The following TFEC variants were observed in gnomAD, a reference collection of about 807,000 sequenced individuals.
TFEC encodes the protein transcription factor EC.
TFEC carries 31 observed loss-of-function variants against 41.6 expected under a neutral mutation model. The observed-to-expected ratio is 0.74, with a 90% CI of 0.56 to 1.01. TFEC has a LOEUF of 1.01. Among genes scored for constraint, TFEC ranks in the 50% least tolerant of loss-of-function variants. The pLI, the probability that TFEC is intolerant of heterozygous loss-of-function variation, is 0.00. For synonymous variants in TFEC, 143 were observed against 140.6 expected (o/e 1.02, Z -0.12); for missense variants, 402 against 404.1 (o/e 0.99, Z 0.04).
intron 1 of TFEC, among the ~76,000 whole-genome samples, chr7:116,133,666 G>C (rs1421375385): frequency 6.8e-6 from 1 of 146,654 alleles, no homozygotes; most frequent in Non-Finnish European, 1.5e-5. Context: ...CAAAAATGTA[G>C]CTTTTTTTTC....
At chr7:116,093,290 C>A (rs1356469848) in intron 3 of TFEC, among the ~76,000 whole-genome samples, 6 of 152,018 alleles carry the variant, frequency 3.9e-5, no homozygotes, top group African/African-American at 7.2e-5. Flanking sequence ...AGGTACAATT[C>A]TTAGATGAGC....
intron 1 of TFEC, among the ~76,000 whole-genome samples, chr7:116,120,768 G>A (rs1343989671): frequency 6.6e-6 from 1 of 151,840 alleles, no homozygotes. Context: ...AATAGGGAGA[G>A]GTATAGTTCA....
At chr7:115,977,105 C>T (rs1030957579) in intron 2 of TFEC, among the ~76,000 whole-genome samples, 6 of 152,196 alleles carry the variant, frequency 3.9e-5, no homozygotes, top group South Asian at 2.1e-4. Flanking sequence ...CTAAAACCTT[C>T]ACAACTTCTA....
intron 1 of TFEC, among the ~76,000 whole-genome samples, chr7:116,027,037 G>C (rs559269471): frequency 6.6e-6 from 1 of 152,270 alleles, no homozygotes; most frequent in Admixed American, 6.5e-5. Context: ...ACTTTCTATT[G>C]CAGACCTCAG....
At chr7:116,006,611 C>T (rs1293107017) in intron 1 of TFEC, among the ~76,000 whole-genome samples, 1 of 152,086 alleles carries the variant, frequency 6.6e-6, no homozygotes, top group Non-Finnish European at 1.5e-5. Context: ...AGGGACTTGG[C>T]TTGTTTCAGA....
At chr7:116,032,523 C>T (rs1795810522), upstream of TFEC, among the ~76,000 whole-genome samples, 2 of 152,084 alleles carry the variant, frequency 1.3e-5, no homozygotes, top group South Asian at 4.1e-4. Context: ...GAGATCATGT[C>T]CTTTGCAGGA....
intron 1 of TFEC, among the ~76,000 whole-genome samples, chr7:115,998,858 AG>A (rs1794473749): frequency 6.6e-6 from 1 of 151,884 alleles, no homozygotes; most frequent in Non-Finnish European, 1.5e-5. Context: ...CTAAAGAGAG[AG>A]AGAGCAACCC....
At chr7:116,043,877 T>C (rs759518931) in intron 3 of TFEC, among the ~76,000 whole-genome samples, 4 of 152,144 alleles carry the variant, frequency 2.6e-5, no homozygotes, top group Non-Finnish European at 5.9e-5. Context: ...CTTCAATTAG[T>C]GAGGTAGATT....
intron 1 of TFEC, among the ~76,000 whole-genome samples, chr7:116,006,610 G>T (rs1794800641): frequency 1.3e-5 from 2 of 152,122 alleles, no homozygotes; most frequent in Admixed American, 1.3e-4. Flanking sequence ...AAGGGACTTG[G>T]CTTGTTTCAG....
intron 1 of TFEC, among the ~76,000 whole-genome samples, chr7:116,156,192 G>T (rs948388007): frequency 2.0e-5 from 3 of 152,134 alleles, no homozygotes; most frequent in African/African-American, 7.2e-5. Context: ...CCAGCCATTG[G>T]AAAGACAGAA....
In TFEC at chr7:115,937,377, T is replaced by C. The variant is rs1793282682; in HGVS notation, c.*3174A>G. 1 of 151,790 alleles carries C rather than the reference T, an allele frequency of 6.6e-6. No homozygotes were observed. The highest frequency in any genetic ancestry group is 2.1e-4 in the South Asian group (1 of 4,828). 9.4% of individuals were successfully genotyped at this position (151,790 alleles called of 1,614,324 possible). A position where few individuals can be genotyped will look rare whatever the true frequency, so the allele number is the denominator to read the frequency against. On this transcript the variant is annotated 3_prime_UTR_variant, in exon 8 of 8. Transcript: ENST00000265440. The stretch of plus-strand genomic sequence containing the variant: ...GCCTCTTTTACTATTATGAAAAATC[T>C]CATTTCTGCAAGAAATATTCTAGAG...
chr7:115,951,898 CTA>C (rs1791963819), intron 5 of TFEC, among the ~76,000 whole-genome samples: 3 of 152,024 alleles, frequency 2.0e-5, no homozygotes, highest in African/African-American at 7.2e-5. Flanking sequence ...GTCTTCTACT[CTA>C]TATTCCTAAT....
chr7:116,037,022 G>A (rs569211194), intron 3 of TFEC, among the ~76,000 whole-genome samples: 10 of 152,106 alleles, frequency 6.6e-5, no homozygotes, highest in East Asian at 3.9e-4. Flanking sequence ...GGCAGCTAAC[G>A]CACTTTTGGA....
intron 1 of TFEC, among the ~76,000 whole-genome samples, chr7:115,987,703 A>G (rs1039145125): frequency 9.9e-5 from 15 of 152,172 alleles, no homozygotes; most frequent in African/African-American, 3.6e-4. Flanking sequence ...CTTCTTGTAC[A>G]TAGCCCAGAG....
At chr7:116,100,862 T>A (rs574716865) in intron 3 of TFEC, among the ~76,000 whole-genome samples, 1 of 152,006 alleles carries the variant, frequency 6.6e-6, no homozygotes, top group Admixed American at 6.6e-5. Flanking sequence ...TACAAGCAGA[T>A]GGGCATAGAT....
In TFEC at chr7:116,074,462, T is replaced by A. The variant is rs116709347; in HGVS notation, c.198+36246A>T. On this transcript the variant is annotated intron_variant, in intron 3 of 8. Coordinates refer to the TFEC transcript ENST00000484212. ...ATGGGCAAAGGATCTGATTAGACACTTCTTCAAAGAAGTTATAGAAATAGC... is the reference window on the plus strand; with the variant it reads ...ATGGGCAAAGGATCTGATTAGACACATCTTCAAAGAAGTTATAGAAATAGC... 4.3e-3 allele frequency among the ~76,000 whole-genome samples: 662 copies of A among 152,230 alleles called. 4 individuals are homozygous for A. Among genetic ancestry groups the A allele is most frequent in the African/African-American group, 0.015 (624 of 41,562 alleles).
intron 3 of TFEC, among the ~76,000 whole-genome samples, chr7:115,967,875 A>T (rs1208582891): frequency 6.6e-6 from 1 of 151,852 alleles, no homozygotes; most frequent in East Asian, 1.9e-4. Flanking sequence ...AATAAAAACA[A>T]TTAATTTAAT....
intron 3 of TFEC, among the ~76,000 whole-genome samples, chr7:116,059,643 T>G (rs969191936): frequency 1.3e-5 from 2 of 152,018 alleles, no homozygotes; most frequent in African/African-American, 4.8e-5. Context: ...AAATCAGGAT[T>G]AGGTCGAGTG....
At position 115,939,168 on chromosome 7, in the gene TFEC, T is replaced by C. The variant is rs185749542; in HGVS notation, c.*1383A>G. On this transcript the variant is annotated 3_prime_UTR_variant, in exon 8 of 8. Transcript: ENST00000265440. ...TTTTGTTTTTGTTTTTCATGCATTC[T>C]CATTAACTACCTTAGGAGTAAGACC... The C allele has an allele frequency of 6.6e-6, 1 of 152,142 alleles. No homozygotes were observed. The highest frequency in any genetic ancestry group is 1.5e-5 in the Non-Finnish European group (1 of 67,948). The allele number at this position is 152,142 out of a possible 1,614,324, so 9.4% of individuals were successfully genotyped here.
Sources: allele counts gnomAD v4.1 joint callset (sites outside exome capture counted in the v4.1 genomes callset), GRCh38; gene constraint gnomAD v4.1.1; transcripts MANE v1.5; gene names NCBI Gene and HGNC (gene_info 2026-07-23, HGNC 2026-07-21).